Variants in NELL2 observed in about 807,000 individuals in gnomAD.
NELL2 encodes protein kinase C-binding protein NELL2.
NELL2 carries 41 observed loss-of-function variants against 109.6 expected under a neutral mutation model. That is an observed-to-expected ratio of 0.37 (90% confidence interval 0.29 to 0.49). NELL2 has a LOEUF of 0.49. NELL2 is among the 20% of genes least tolerant of loss of function. The pLI is 0.98. For synonymous variants in NELL2, 355 were observed against 344.7 expected, an observed-to-expected ratio of 1.03 and a Z score of -0.33; for missense variants, 900 against 1,008.3, an observed-to-expected ratio of 0.89 and a Z score of 1.45.
At chr12:44,728,285 A>G (rs1402400715) in intron 9 of NELL2, among the ~76,000 whole-genome samples, 1 of 152,068 alleles carries the variant, frequency 6.6e-6, no homozygotes, top group Non-Finnish European at 1.5e-5. Context: ...ATATCAATAG[A>G]CAGTAATTTT....
At chr12:44,833,156 CT>C (rs1313230141) in intron 2 of NELL2, among the ~76,000 whole-genome samples, 3 of 152,076 alleles carry the variant, frequency 2.0e-5, no homozygotes, top group East Asian at 3.8e-4. Context: ...TTTTTGTTTT[CT>C]TTTGTTGTAT....
At chr12:44,856,618 G>A (rs903348752) in intron 2 of NELL2, among the ~76,000 whole-genome samples, 1 of 152,160 alleles carries the variant, frequency 6.6e-6, no homozygotes, top group African/African-American at 2.4e-5. Context: ...CAAAAGCCCT[G>A]CAGCAGGAGA....
chr12:44,885,112 C>T (rs1945456386), intron 1 of NELL2, among the ~76,000 whole-genome samples: 2 of 151,712 alleles, frequency 1.3e-5, no homozygotes, highest in South Asian at 4.2e-4. Flanking sequence ...AACCCTGTCT[C>T]TAATAAAAAT....
intron 9 of NELL2, among the ~76,000 whole-genome samples, chr12:44,769,964 C>G (rs956469984): frequency 6.6e-6 from 1 of 152,066 alleles, no homozygotes; most frequent in East Asian, 1.9e-4. Flanking sequence ...GATTAAGATA[C>G]GCCCACAATA....
At chr12:44,654,899 C>A (rs564654748) in intron 13 of NELL2, among the ~76,000 whole-genome samples, 1 of 152,194 alleles carries the variant, frequency 6.6e-6, no homozygotes, top group African/African-American at 2.4e-5. Context: ...TGATAAGGCA[C>A]AAGGAAGGTC....
chr12:44,840,401 G>A (rs1361640140), intron 2 of NELL2, among the ~76,000 whole-genome samples: 2 of 152,150 alleles, frequency 1.3e-5, no homozygotes, highest in Non-Finnish European at 2.9e-5. Flanking sequence ...CTGAGAGGAG[G>A]TACAAAATGC....
At chr12:44,736,004 CTTTTTTTTTTTT>C (rs35988182) in intron 9 of NELL2, among the ~76,000 whole-genome samples, 3 of 99,398 alleles carry the variant, frequency 3.0e-5, no homozygotes, top group African/African-American at 1.1e-4. Flanking sequence ...GCAGTTAATT[CTTTTTTTTTTTT>C]TTTTTTTTTT....
At chr12:44,595,439 T>C (rs1944917068) in intron 15 of NELL2, among the ~76,000 whole-genome samples, 1 of 152,204 alleles carries the variant, frequency 6.6e-6, no homozygotes. Context: ...TTTGTTTGTT[T>C]GTTTTGAGAT....
At chr12:44,734,104 C>T (rs971602767) in intron 9 of NELL2, among the ~76,000 whole-genome samples, 5 of 151,936 alleles carry the variant, frequency 3.3e-5, no homozygotes, top group African/African-American at 1.2e-4. Context: ...CAACTTTACT[C>T]TATGTATTTG....
intron 1 of NELL2, among the ~76,000 whole-genome samples, chr12:44,905,472 G>A (rs963744716): frequency 6.6e-6 from 1 of 151,850 alleles, no homozygotes; most frequent in South Asian, 2.1e-4. Context: ...TATTTCTTCT[G>A]TAAGATGTGT....
At chr12:44,713,616 G>A (rs951752402) in intron 10 of NELL2, among the ~76,000 whole-genome samples, 1 of 151,956 alleles carries the variant, frequency 6.6e-6, no homozygotes, top group African/African-American at 2.4e-5. Flanking sequence ...AAGAAGAAGA[G>A]AGGATACTTT....
Position 44,789,773 on chromosome 12 carries a change from G to GA in NELL2, c.336-9752dup, listed in dbSNP as rs1439818051. On this transcript the variant is annotated intron_variant, in intron 3 of 19. Coordinates refer to ENST00000429094, the MANE Select transcript of NELL2 (RefSeq NM_001145108.2). The stretch of plus-strand genomic sequence containing the variant: ...TAGTCAAGGAAATAGATAGCATAAA[G>GA]AAAAAACAATCAAAACTTCAGGAAA... Among the ~76,000 whole-genome samples, 5 of 152,162 alleles carry GA rather than the reference G, an allele frequency of 3.3e-5. No homozygotes were observed. The East Asian group carries it at 9.7e-4, about 29-fold the overall frequency.
chr12:44,682,812 G>T (rs538409233), intron 12 of NELL2, among the ~76,000 whole-genome samples: 3 of 152,272 alleles, frequency 2.0e-5, no homozygotes, highest in South Asian at 2.1e-4. Flanking sequence ...TGCTGTTTTG[G>T]TTACTGCAGC....
upstream of NELL2, among the ~76,000 whole-genome samples, chr12:44,916,056 A>G (rs1197561956): frequency 1.3e-5 from 2 of 152,214 alleles, no homozygotes; most frequent in East Asian, 3.8e-4. Flanking sequence ...CTAAATTTCT[A>G]AAATCTGCAT....
intron 13 of NELL2, among the ~76,000 whole-genome samples, chr12:44,658,760 C>T (rs1947605265): frequency 6.6e-6 from 1 of 150,858 alleles, no homozygotes; most frequent in African/African-American, 2.4e-5. Context: ...CCTGTAGTTC[C>T]AGCTACTCAG....
At chr12:44,573,602 A>G (rs1195176409) in intron 15 of NELL2, among the ~76,000 whole-genome samples, 2 of 152,230 alleles carry the variant, frequency 1.3e-5, no homozygotes, top group African/African-American at 2.4e-5. Context: ...TAGAAACAGC[A>G]AAGAACAGAA....
intron 12 of NELL2, among the ~76,000 whole-genome samples, chr12:44,693,480 G>T (rs990526501): frequency 3.9e-5 from 6 of 152,178 alleles, no homozygotes; most frequent in Non-Finnish European, 7.4e-5. Context: ...AGCATTGATT[G>T]TGTCTTCAAT....
At chr12:44,808,225 G>T (rs1233687808) in intron 3 of NELL2, among the ~76,000 whole-genome samples, 2 of 152,030 alleles carry the variant, frequency 1.3e-5, no homozygotes, top group Admixed American at 6.6e-5. Context: ...TCTTTAGTGT[G>T]AAACGGGGGA....
intron 12 of NELL2, among the ~76,000 whole-genome samples, chr12:44,678,726 A>G (rs1006088792): frequency 3.3e-5 from 5 of 152,126 alleles, no homozygotes; most frequent in Admixed American, 6.6e-5. Context: ...GACAAGGTAA[A>G]TAAGTGTTGG....
Sources: gnomAD v4.1 joint callset for allele counts (sites outside exome capture counted in the v4.1 genomes callset) on GRCh38, gnomAD v4.1.1 for gene constraint, MANE v1.5 for transcripts, NCBI Gene and HGNC (gene_info 2026-07-23, HGNC 2026-07-21) for gene names.